Variants in PPP2R3A observed in about 807,000 individuals in gnomAD.
PPP2R3A encodes the protein serine/threonine-protein phosphatase 2A regulatory subunit B'' subunit alpha.
PPP2R3A carries 80 observed loss-of-function variants against 106.9 expected under a neutral mutation model. The ratio of observed to expected loss-of-function variants is 0.75; its 90% CI spans 0.62 to 0.90. The LOEUF (loss-of-function observed/expected upper bound fraction) is 0.90, where lower values mean the gene tolerates loss of function less well. Ranked by LOEUF, PPP2R3A falls within the 40% of genes least tolerant of loss-of-function variation. The pLI is 0.00. For missense variants in PPP2R3A, 1,386 were observed against 1,350.4 expected, an observed-to-expected ratio of 1.03 and a Z score of -0.41; for synonymous variants, 483 against 468.3, an observed-to-expected ratio of 1.03 and a Z score of -0.41.
At chr3:135,973,686 C>T (rs902134121) in intron 1 of PPP2R3A, among the ~76,000 whole-genome samples, 1 of 152,116 alleles carries the variant, frequency 6.6e-6, no homozygotes. Context: ...TCTTATTGGA[C>T]CAAGAATCCT....
intron 13 of PPP2R3A, among the ~76,000 whole-genome samples, chr3:136,114,121 C>A (rs111885645): frequency 0.033 from 5,022 of 152,148 alleles, 301 homozygotes; most frequent in African/African-American, 0.11. Context: ...GAGGGTGACC[C>A]GAAGCAGGGT....
At chr3:136,107,949 ATGGC>A (rs1937542873) in intron 13 of PPP2R3A, among the ~76,000 whole-genome samples, 1 of 152,192 alleles carries the variant, frequency 6.6e-6, no homozygotes, top group Non-Finnish European at 1.5e-5. Flanking sequence ...GCAGTCACTC[ATGGC>A]TGTAATCCCA....
At chr3:136,055,839 C>G (rs902400562) in intron 5 of PPP2R3A, 3 of 514,060 alleles carry the variant, frequency 5.8e-6, no homozygotes, top group African/African-American at 5.7e-5. Context: ...TGCAGAATTG[C>G]AAACAGTTTA....
chr3:136,014,019 A>T (rs1347045971), intron 2 of PPP2R3A, among the ~76,000 whole-genome samples: 1 of 152,136 alleles, frequency 6.6e-6, no homozygotes, highest in Non-Finnish European at 1.5e-5. Context: ...TTTTTGTGTA[A>T]GATGAGAAAT....
intron 2 of PPP2R3A, among the ~76,000 whole-genome samples, chr3:136,026,131 C>T (rs894685539): frequency 2.6e-5 from 4 of 151,998 alleles, no homozygotes; most frequent in African/African-American, 4.8e-5. Context: ...AGTTATTAAA[C>T]TGTAAAGGGA....
rs372045737 is a variant in PPP2R3A at position 136,003,241 on chromosome 3, C to T, written c.1743C>T (p.His581=). The T allele has an allele frequency of 1.2e-6, 2 of 1,613,736 alleles. No homozygotes were observed. Among genetic ancestry groups the T allele is most frequent in the South Asian group, 1.1e-5 (1 of 91,064 alleles). The change falls in exon 2 of 14, where the codon CAC becomes CAT. Residue 581 remains histidine (H), a synonymous_variant. Coordinates refer to ENST00000264977, the MANE Select transcript of PPP2R3A (RefSeq NM_002718.5). ...CLTRIIETNG[H]KIEEEDRALL... ...CAAGGATTATTGAAACCAATGGACA[C>T]AAAATAGAGGAAGAGGATCGAGCCC...
chr3:136,141,301 G>C (rs1938864166), intron 13 of PPP2R3A, among the ~76,000 whole-genome samples: 1 of 152,188 alleles, frequency 6.6e-6, no homozygotes. Context: ...ATATGTGACT[G>C]TGTGCAGTGA....
At chr3:136,007,744 T>C (rs1933899848) in intron 2 of PPP2R3A, among the ~76,000 whole-genome samples, 1 of 152,236 alleles carries the variant, frequency 6.6e-6, no homozygotes, top group African/African-American at 2.4e-5. Context: ...ACAATTTACT[T>C]TCTCTTTAAG....
chr3:136,062,822 TATC>T (rs771783093), intron 5 of PPP2R3A, among the ~76,000 whole-genome samples: 7 of 151,774 alleles, frequency 4.6e-5, no homozygotes, highest in African/African-American at 9.7e-5. Context: ...GAAGAATCAA[TATC>T]ATGAAAATGG....
intron 13 of PPP2R3A, among the ~76,000 whole-genome samples, chr3:136,128,080 C>T (rs1381491704): frequency 6.6e-6 from 1 of 152,082 alleles, no homozygotes; most frequent in Non-Finnish European, 1.5e-5. Context: ...TAAAGACCAT[C>T]GATGCTATGA....
chr3:135,986,914 T>C (rs981269112), intron 1 of PPP2R3A, among the ~76,000 whole-genome samples: 3 of 152,184 alleles, frequency 2.0e-5, no homozygotes, highest in Non-Finnish European at 4.4e-5. Flanking sequence ...GTAAAACTTA[T>C]TTAAAGAGTT....
chr3:135,988,948 C>T (rs957288356), intron 1 of PPP2R3A, among the ~76,000 whole-genome samples: 4 of 152,044 alleles, frequency 2.6e-5, no homozygotes, highest in Non-Finnish European at 4.4e-5. Context: ...GTTTGTCTAA[C>T]GTGTTGAGAT....
At chr3:136,055,336 G>T (rs571987951) in intron 5 of PPP2R3A, 6 of 939,878 alleles carry the variant, frequency 6.4e-6, no homozygotes, top group Admixed American at 3.4e-5. Flanking sequence ...TCAATTTTTT[G>T]ATCAACTCTA....
At chr3:136,058,228 T>C (rs1228737931) in intron 5 of PPP2R3A, among the ~76,000 whole-genome samples, 1 of 152,154 alleles carries the variant, frequency 6.6e-6, no homozygotes, top group African/African-American at 2.4e-5. Context: ...GAAGTCACAC[T>C]ATCCCTGTTG....
chr3:136,120,943 A>C (rs548263941), intron 13 of PPP2R3A, among the ~76,000 whole-genome samples: 1 of 152,198 alleles, frequency 6.6e-6, no homozygotes, highest in African/African-American at 2.4e-5. Context: ...AGATGTTGGC[A>C]GGGTTCCAGA....
chr3:135,987,069 T>C (rs1559852827), intron 1 of PPP2R3A, among the ~76,000 whole-genome samples: 1 of 152,160 alleles, frequency 6.6e-6, no homozygotes, highest in Non-Finnish European at 1.5e-5. Context: ...CCTATCTGAC[T>C]TAACATTCAG....
intron 2 of PPP2R3A, among the ~76,000 whole-genome samples, chr3:136,021,583 G>T (rs936096452): frequency 6.6e-6 from 1 of 152,044 alleles, no homozygotes; most frequent in Admixed American, 6.5e-5. Flanking sequence ...TTAGACAAAG[G>T]TTCAGTAAAA....
At chr3:136,114,354 G>A (rs1446040739) in intron 13 of PPP2R3A, among the ~76,000 whole-genome samples, 2 of 152,186 alleles carry the variant, frequency 1.3e-5, no homozygotes, top group South Asian at 2.1e-4. Context: ...GGCAGACACC[G>A]AGCTTCAGGA....
chr3:136,133,277 T>A (rs1938491841), intron 13 of PPP2R3A, among the ~76,000 whole-genome samples: 1 of 152,128 alleles, frequency 6.6e-6, no homozygotes. Context: ...ATATCCAGAA[T>A]ATGTAAAGAA....
Sources: allele counts gnomAD v4.1 joint callset (sites outside exome capture counted in the v4.1 genomes callset), GRCh38; gene constraint gnomAD v4.1.1; transcripts MANE v1.5; gene names NCBI Gene and HGNC (gene_info 2026-07-23, HGNC 2026-07-21).